ZNF717: variants seen among roughly 807,000 people sequenced by gnomAD.
ZNF717 encodes krueppel-like factor X17.
Under a neutral mutation model 13.8 loss-of-function variants are expected in ZNF717, and 9 were observed. That is an observed-to-expected ratio of 0.65 (90% CI 0.39 to 1.14). ZNF717 has a LOEUF of 1.14. ZNF717 is among the 50% of genes most tolerant of loss of function. The pLI is 0.01. For synonymous variants in ZNF717, 327 were observed against 364.1 expected (o/e 0.90, Z 1.16); for missense variants, 1,040 against 1,080.7 (o/e 0.96, Z 0.53).
intron 2 of ZNF717, among the ~76,000 whole-genome samples, chr3:75,759,013 T>A: frequency 6.6e-6 from 1 of 152,232 alleles, no homozygotes; most frequent in Non-Finnish European, 1.5e-5. Context: ...TGCTGAAGGC[T>A]CAGATGACTG....
chr3:75,759,933 T>C (rs1332586594), intron 2 of ZNF717, among the ~76,000 whole-genome samples: 1 of 152,246 alleles, frequency 6.6e-6, no homozygotes, highest in Non-Finnish European at 1.5e-5. Flanking sequence ...CGTTTTGGTA[T>C]AGGTTTATTT....
At chr3:75,712,633 C>T (rs1398471127) in intron 5 of ZNF717, among the ~76,000 whole-genome samples, 1 of 152,262 alleles carries the variant, frequency 6.6e-6, no homozygotes, top group African/African-American at 2.4e-5. Context: ...AATAACTAGA[C>T]ATTTTAGTTT....
At chr3:75,766,750 GA>G (rs1943498952) in intron 2 of ZNF717, among the ~76,000 whole-genome samples, 1 of 152,242 alleles carries the variant, frequency 6.6e-6, no homozygotes, top group South Asian at 2.1e-4. Context: ...CATCTATTGA[GA>G]AAAGGTTCAA....
chr3:75,750,171 C>T lies in ZNF717; in HGVS notation c.58-8435G>A, dbSNP rs78784090. On this transcript the variant is annotated intron_variant, in intron 2 of 4. Transcript: ENST00000652011. The stretch of plus-strand genomic sequence containing the variant: ...GCTACAAGGGTCTGAATGTTTGTCC[C>T]TCACATAGGATTGCAGAACACTCCT... 8.6e-5 allele frequency among the ~76,000 whole-genome samples: 13 copies of T among 151,122 alleles called. No individual in the cohort carries two copies. The East Asian group carries it at 2.5e-3, about 30-fold the overall frequency.
At chr3:75,783,434 C>CA in intron 1 of ZNF717, 70 bp from the exon 2 acceptor site, 1 of 1,263,074 alleles carries the variant, frequency 7.9e-7, no homozygotes, top group Non-Finnish European at 1.1e-6. Flanking sequence ...TTCTTCTGCC[C>CA]AACACTCTAG....
chr3:75,736,503 T>C lies in ZNF717; in HGVS notation c.*375A>G. 9.8e-6 allele frequency: 2 copies of C among 203,920 alleles called. No individual in the cohort carries two copies. 12.6% of individuals were successfully genotyped at this position (203,920 alleles called of 1,614,324 possible). A position where few individuals can be genotyped will look rare whatever the true frequency, so the allele number is the denominator to read the frequency against. On this transcript the variant is annotated 3_prime_UTR_variant, in exon 5 of 5. Coordinates refer to ENST00000652011, the MANE Select transcript of ZNF717 (RefSeq NM_001290208.3). Reference sequence around the variant, plus strand: ...AGGCTTTTTACTGACACAGAGAAAGTCTGAGTGGTCCACATAGAAGATCAA... The same window carrying C: ...AGGCTTTTTACTGACACAGAGAAAGCCTGAGTGGTCCACATAGAAGATCAA...
intron 2 of ZNF717, among the ~76,000 whole-genome samples, chr3:75,759,103 A>G (rs1453015027): frequency 1.3e-5 from 2 of 152,244 alleles, no homozygotes; most frequent in African/African-American, 4.8e-5. Context: ...CACTTTATAC[A>G]GCACAGTATA....
chr3:75,731,981 G>A (rs1938598814), downstream of ZNF717: 4 of 682,636 alleles, frequency 5.9e-6, no homozygotes, highest in South Asian at 1.6e-5. Flanking sequence ...AATTGCTGAA[G>A]GTTCCATATG....
chr3:75,697,937 A>T (rs1335501984), intron 6 of ZNF717, among the ~76,000 whole-genome samples: 4 of 152,146 alleles, frequency 2.6e-5, no homozygotes, highest in African/African-American at 7.3e-5. Flanking sequence ...GAGGTCTCAG[A>T]TGAAAATTAG....
At position 75,737,464 on chromosome 3, in the gene ZNF717, C is replaced by A; in HGVS notation, c.2159G>T (p.Ser720Ile). 17 of 1,555,380 alleles carry A rather than the reference C, an allele frequency of 1.1e-5. No homozygotes were observed. Among genetic ancestry groups the A allele is most frequent in the Non-Finnish European group, 1.3e-5 (15 of 1,149,224 alleles). The change falls in exon 5 of 5, where the codon AGC becomes ATC. Residue 720 changes from serine (S) to isoleucine (I), a missense_variant. By Grantham distance (142) the Ser-to-Ile change is moderately radical. This residue lies in a region of ZNF717 where 873 missense variants were observed against 832.8 expected (regional missense o/e 1.05). Coordinates refer to ENST00000652011, the MANE Select transcript of ZNF717 (RefSeq NM_001290208.3). ...NPFIRRQIFR[S>I]IKVFTRGRNP... ...TCTCCCCCGTGTGAATACCTTGATG[C>A]TTCTGAAGATTTGCCTTCTGATGAA...
At chr3:75,707,080 C>T (rs79593556), downstream of ZNF717, among the ~76,000 whole-genome samples, 1 of 152,420 alleles carries the variant, frequency 6.6e-6, no homozygotes, top group Admixed American at 6.5e-5. Flanking sequence ...TGAGCTGTCA[C>T]ATTTACTGCC....
chr3:75,717,534 G>A (rs2106851634), intron 4 of ZNF717, among the ~76,000 whole-genome samples: 1 of 152,334 alleles, frequency 6.6e-6, no homozygotes, highest in East Asian at 1.9e-4. Context: ...TCTGGCAGGT[G>A]TCATCTAAGG....
In ZNF717 at chr3:75,696,272, C is replaced by A. The variant is rs1937602315; in HGVS notation, n.1085+14915G>T. ...GATTGAACTAGGAAAAAATCTAAAA[C>A]CTGAACAGACCAATAACAATTAACA... On this transcript the variant is annotated intron_variant and non_coding_transcript_variant, in intron 6 of 6. Transcript: ENST00000648506. Among the ~76,000 whole-genome samples, 26 of 152,418 alleles carry A rather than the reference C, an allele frequency of 1.7e-4. No homozygotes were observed. In the South Asian group the frequency reaches 5.4e-3, roughly 32 times the overall value.
At chr3:75,734,795 TTATATA>T (rs1295066161), downstream of ZNF717, among the ~76,000 whole-genome samples, 147 of 85,422 alleles carry the variant, frequency 1.7e-3, no homozygotes, top group Middle Eastern at 7.8e-3. Flanking sequence ...ATGTATGCAA[TTATATA>T]TATATATATA....
chr3:75,782,786 C>T (rs1449055188), intron 2 of ZNF717, among the ~76,000 whole-genome samples: 6 of 151,516 alleles, frequency 4.0e-5, no homozygotes, highest in Middle Eastern at 3.4e-3. Flanking sequence ...CTGCACAACA[C>T]ACCGTGCTTT....
At position 75,737,670 on chromosome 3, in the gene ZNF717, TTCA is replaced by T. The variant is rs1939549831; in HGVS notation, c.1950_1952del (p.Asn650_Glu651delinsLys). Reference sequence around the variant, plus strand: ...ACTTGCGATGAAAGGTTTTTCCACATTCATTACATACGTAAGGTTTCTCTCCTG... The same window carrying T: ...ACTTGCGATGAAAGGTTTTTCCACATTTACATACGTAAGGTTTCTCTCCTG... On this transcript the variant is annotated inframe_deletion, in exon 5 of 5. Transcript: ENST00000652011. 36 of 583,210 alleles carry T rather than the reference TTCA, an allele frequency of 6.2e-5. No individual in the cohort carries two copies. The highest frequency in any genetic ancestry group is 7.6e-5 in the Non-Finnish European group (35 of 462,618). 36.1% of individuals were successfully genotyped at this position (583,210 alleles called of 1,614,324 possible). A position where few individuals can be genotyped will look rare whatever the true frequency, so the allele number is the denominator to read the frequency against.
At chr3:75,740,841 A>T (rs560585418) in intron 4 of ZNF717, among the ~76,000 whole-genome samples, 274 of 152,326 alleles carry the variant, frequency 1.8e-3, no homozygotes, top group African/African-American at 5.9e-3. Context: ...TTAATAAAAA[A>T]TAAAACAAGA....
chr3:75,710,306 T>C (rs78748916), exon 6 of ZNF717: 12 of 139,240 alleles, frequency 8.6e-5, no homozygotes, highest in African/African-American at 2.8e-4. Flanking sequence ...TGTAACCACA[T>C]GGCCTGTCTT....
downstream of ZNF717, among the ~76,000 whole-genome samples, chr3:75,725,796 T>TC (rs1208627862): frequency 6.6e-6 from 1 of 151,812 alleles, no homozygotes; most frequent in African/African-American, 2.4e-5. Context: ...TTCAATTACC[T>TC]CCCCCCAGGT....
Sources: allele counts gnomAD v4.1 joint callset (sites outside exome capture counted in the v4.1 genomes callset), GRCh38; gene constraint gnomAD v4.1.1; regional missense constraint gnomAD v4.1.1; transcripts MANE v1.5; gene names NCBI Gene and HGNC (gene_info 2026-07-23, HGNC 2026-07-21).